The following GOLGA4 variants were observed in gnomAD, a reference collection of about 807,000 sequenced individuals.
GOLGA4 encodes the protein golgin A4, also known as golgin subfamily A member 4.
In GOLGA4, 169 loss-of-function variants were observed where a neutral mutation model predicts 265.9. That is an observed-to-expected ratio of 0.64 (90% CI 0.56 to 0.72). The LOEUF is 0.72. Among genes scored for constraint, GOLGA4 ranks in the 30% least tolerant of loss-of-function variants. The probability of loss-of-function intolerance (pLI) is 0.00; values close to 1 mark genes in which losing one functional copy is unlikely to be tolerated. For synonymous variants in GOLGA4, 923 were observed against 855.8 expected, an observed-to-expected ratio of 1.08 and a Z score of -1.37; for missense variants, 2,482 against 2,483.4, an observed-to-expected ratio of 1.00 and a Z score of 0.01.
chr3:37,298,795 C>T (rs1344212834), intron 7 of GOLGA4, 38 bp from the exon 8 acceptor site: 2 of 1,442,612 alleles, frequency 1.4e-6, no homozygotes, highest in African/African-American at 1.4e-5. Context: ...TTTCATATTC[C>T]TTACTGATGG....
chr3:37,281,890 G>A (rs1332267223), intron 2 of GOLGA4, 68 bp from the exon 3 acceptor site: 2 of 1,016,828 alleles, frequency 2.0e-6, no homozygotes, highest in Non-Finnish European at 3.0e-6. Flanking sequence ...ATTATTGCTG[G>A]TGATGGGGTA....
At position 37,286,442 on chromosome 3, in the gene GOLGA4, C is replaced by T. The variant is rs111248736; in HGVS notation, c.525+381C>T. 7.2e-5 allele frequency among the ~76,000 whole-genome samples: 11 copies of T among 152,200 alleles called. 1 individual carries two copies. The highest frequency in any genetic ancestry group is 2.1e-4 in the South Asian group (1 of 4,822). On this transcript the variant is annotated intron_variant, in intron 4 of 23. Coordinates refer to ENST00000361924, the MANE Select transcript of GOLGA4 (RefSeq NM_002078.5). ...TGCTGGGATTACAGGCGTGAGCCACCGCGCCCGGCCTATAGTAAGATATTT... is the reference window on the plus strand; with the variant it reads ...TGCTGGGATTACAGGCGTGAGCCACTGCGCCCGGCCTATAGTAAGATATTT...
At chr3:37,313,060 C>T (rs375484904) in intron 10 of GOLGA4, among the ~76,000 whole-genome samples, 228 of 152,054 alleles carry the variant, frequency 1.5e-3, no homozygotes, top group African/African-American at 4.6e-3. Flanking sequence ...GAAATTAGCC[C>T]GGTCTGGTGG....
intron 19 of GOLGA4, among the ~76,000 whole-genome samples, chr3:37,338,680 C>G (rs1015750687): frequency 5.3e-5 from 8 of 152,110 alleles, no homozygotes; most frequent in African/African-American, 1.9e-4. Context: ...CACTGTTACC[C>G]AGTTCCAGAA....
In GOLGA4 at chr3:37,343,401, G is replaced by A. The variant is rs145991800; in HGVS notation, c.6472+3202G>A. On this transcript the variant is annotated intron_variant, in intron 20 of 23. Coordinates refer to ENST00000361924, the MANE Select transcript of GOLGA4 (RefSeq NM_002078.5). Reference sequence around the variant, plus strand: ...CTCCCAAAGTGCTGGGATTACAGACGTGAGCCACCGTGCCCAGCCTGGCCA... The same window carrying A: ...CTCCCAAAGTGCTGGGATTACAGACATGAGCCACCGTGCCCAGCCTGGCCA... 2.2e-3 allele frequency among the ~76,000 whole-genome samples: 328 copies of A among 152,122 alleles called. 4 individuals are homozygous for A. In the East Asian group the frequency reaches 0.033, roughly 15 times the overall value.
chr3:37,299,942 T>G (rs1198615630), intron 9 of GOLGA4, among the ~76,000 whole-genome samples: 1 of 151,754 alleles, frequency 6.6e-6, no homozygotes, highest in African/African-American at 2.4e-5. Flanking sequence ...TCCCAGCTAC[T>G]CGGGAGGCTG....
rs1046318383 is a variant in GOLGA4 at position 37,337,044 on chromosome 3, C to T, written c.6307-99C>T. The T allele has an allele frequency of 1.1e-5, 9 of 784,592 alleles. No homozygotes were observed. In the East Asian group the frequency reaches 1.3e-4, roughly 11 times the overall value. The allele number at this position is 784,592 out of a possible 1,614,324, so 48.6% of individuals were successfully genotyped here. On this transcript the variant is annotated intron_variant, in intron 17 of 23. Coordinates refer to ENST00000361924, the MANE Select transcript of GOLGA4 (RefSeq NM_002078.5). ...TGACCACTCCCTTGAGACTCTTAACCCTGACTTCCTTTTTCCTTATATCTT... is the reference window on the plus strand; with the variant it reads ...TGACCACTCCCTTGAGACTCTTAACTCTGACTTCCTTTTTCCTTATATCTT...
chr3:37,263,223 A>G lies in GOLGA4; in HGVS notation c.162+11739A>G, dbSNP rs148385947. ...TGGACTAGTTTGTAGCGTAGGAGCA[A>G]TAGGCTCTACCATGTATCCTAGGTA... On this transcript the variant is annotated intron_variant, in intron 2 of 23. Coordinates refer to ENST00000361924, the MANE Select transcript of GOLGA4 (RefSeq NM_002078.5). Among the ~76,000 whole-genome samples the G allele has an allele frequency of 1.8e-4, 28 of 152,354 alleles. No homozygotes were observed. The East Asian group carries it at 5.0e-3, about 27-fold the overall frequency.
Position 37,323,939 on chromosome 3 carries a change from G to C in GOLGA4, c.2053G>C (p.Glu685Gln). ...AGAAAAGCTTGATGTGAAGCAAACA[G>C]AACTAGAATCATTATCTTCTGAACT... is the stretch of plus-strand genomic sequence containing the variant. ...TLEKLDVKQT[E>Q]LESLSSELSE... Residue 685 changes from glutamate to glutamine, a missense_variant, in exon 14 of 24, where the codon GAA becomes CAA. Coordinates refer to ENST00000361924, the MANE Select transcript of GOLGA4 (RefSeq NM_002078.5). 6.2e-7 allele frequency: 1 copy of C among 1,613,588 alleles called. No homozygotes were observed. The highest frequency in any genetic ancestry group is 8.5e-7 in the Non-Finnish European group (1 of 1,179,944).
intron 20 of GOLGA4, among the ~76,000 whole-genome samples, chr3:37,341,303 G>C (rs2151020269): frequency 6.6e-6 from 1 of 152,186 alleles, no homozygotes; most frequent in Admixed American, 6.5e-5. Context: ...ATTCTCTAAA[G>C]TTCAATTTCA....
rs552248946 is a variant in GOLGA4 at position 37,258,653 on chromosome 3, A to G, written c.162+7169A>G. Among the ~76,000 whole-genome samples the G allele has an allele frequency of 2.0e-5, 3 of 152,294 alleles. No individual in the cohort carries two copies. In the East Asian group the frequency reaches 5.8e-4, roughly 29 times the overall value. ...CCAGTTGTTGAGAATTCTTAAGCAC[A>G]TTTTAGAGATTTATTTTATGTTTCA... is the stretch of plus-strand genomic sequence containing the variant. On this transcript the variant is annotated intron_variant, in intron 2 of 23. Transcript: ENST00000361924.
intron 10 of GOLGA4, among the ~76,000 whole-genome samples, chr3:37,311,213 A>G (rs1238222019): frequency 6.6e-6 from 1 of 152,134 alleles, no homozygotes; most frequent in African/African-American, 2.4e-5. Context: ...CATTTGTGAT[A>G]CAGTGTAGAA....
At chr3:37,290,958 C>G (rs2096863047) in intron 5 of GOLGA4, among the ~76,000 whole-genome samples, 1 of 152,042 alleles carries the variant, frequency 6.6e-6, no homozygotes, top group African/African-American at 2.4e-5. Context: ...AAGCTAATAT[C>G]TTTTTGCTTA....
chr3:37,314,454 A>G (rs2096931471), intron 10 of GOLGA4, among the ~76,000 whole-genome samples: 1 of 152,018 alleles, frequency 6.6e-6, no homozygotes, highest in Non-Finnish European at 1.5e-5. Context: ...CAGCCTGAAC[A>G]ATATGGTGAA....
chr3:37,252,465 T>C (rs568795544), intron 2 of GOLGA4, among the ~76,000 whole-genome samples: 2 of 152,344 alleles, frequency 1.3e-5, no homozygotes, highest in African/African-American at 4.8e-5. Context: ...GGTGTACATG[T>C]ACCTGCATTT....
intron 5 of GOLGA4, among the ~76,000 whole-genome samples, chr3:37,291,883 G>GT (rs575804669): frequency 4.0e-4 from 58 of 146,390 alleles, no homozygotes; most frequent in East Asian, 2.0e-3. Context: ...GAATTTGTTG[G>GT]TTTTTTTTTT....
Position 37,355,111 on chromosome 3 carries a change from A to G in GOLGA4, c.6587A>G (p.Lys2196Arg). ...TTGTTTTTCTTGTAGACCATGGCAAAAGTTATAACCACCGTACTGAAGTTC... is the reference window on the plus strand; with the variant it reads ...TTGTTTTTCTTGTAGACCATGGCAAGAGTTATAACCACCGTACTGAAGTTC... The part of the protein sequence containing the change: ...MMGRETKTMA[K>R]VITTVLKFPD... The change falls in exon 22 of 24, where the codon AAA (lysine) becomes AGA (arginine). Residue 2196 changes from lysine (K) to arginine (R), a missense_variant. Physicochemically the swap from Lys to Arg is conservative, Grantham distance 26 (BLOSUM62 2). This residue lies in a region of GOLGA4 where 942 missense variants were observed against 983.1 expected (regional missense o/e 0.96). Transcript: ENST00000361924. The G allele has an allele frequency of 1.3e-6, 2 of 1,599,438 alleles. No homozygotes were observed. Among genetic ancestry groups the G allele is most frequent in the Non-Finnish European group, 1.7e-6 (2 of 1,167,070 alleles).
chr3:37,321,050 G>C (rs2096953566), intron 12 of GOLGA4, among the ~76,000 whole-genome samples: 1 of 152,092 alleles, frequency 6.6e-6, no homozygotes, highest in Non-Finnish European at 1.5e-5. Flanking sequence ...CTAAGCAATA[G>C]GTATGGATAA....
rs757208417 is a variant in GOLGA4, at chr3:37,328,508, A to G, written c.6032A>G (p.Glu2011Gly). The change falls in exon 15 of 24, where the codon GAG (glutamate) becomes GGG (glycine). Residue 2011 changes from glutamate (E) to glycine (G), a missense_variant. By Grantham distance (98) the Glu-to-Gly change is moderately conservative. Transcript: ENST00000361924. The part of the protein sequence containing the change: ...FNTQLAQKEQ[E>G]LEMTIKETIN... ...ACACAGCTGGCACAAAAGGAACAAG[A>G]GCTGGAAATGACCATAAAAGAAACT... The G allele has an allele frequency of 1.2e-6, 2 of 1,612,992 alleles. No homozygotes were observed. Among genetic ancestry groups the G allele is most frequent in the Non-Finnish European group, 1.7e-6 (2 of 1,179,220 alleles).
Sources: allele counts gnomAD v4.1 joint callset (sites outside exome capture counted in the v4.1 genomes callset), GRCh38; gene constraint gnomAD v4.1.1; regional missense constraint gnomAD v4.1.1; transcripts MANE v1.5; gene names NCBI Gene and HGNC (gene_info 2026-07-23, HGNC 2026-07-21).